ZFHX3: variants seen among roughly 807,000 people sequenced by gnomAD.
The protein encoded by ZFHX3 is zinc finger homeobox protein 3.
Under a neutral mutation model 279.1 loss-of-function variants are expected in ZFHX3, and 42 were observed. The observed-to-expected ratio is 0.15, with a 90% confidence interval of 0.12 to 0.19. The LOEUF is 0.19. Among genes scored for constraint, ZFHX3 ranks in the 10% least tolerant of loss-of-function variants. The pLI is 1.00. For synonymous variants in ZFHX3, 2,293 were observed against 1,957.8 expected (o/e 1.17, Z -4.52); for missense variants, 4,981 against 4,754.0 (o/e 1.05, Z -1.40).
intron 3 of ZFHX3, among the ~76,000 whole-genome samples, chr16:73,423,457 C>G (rs1034258584): frequency 6.6e-6 from 1 of 152,120 alleles, no homozygotes; most frequent in African/African-American, 2.4e-5. Context: ...CTGGTGAGAC[C>G]GGGCAGACTG....
At chr16:73,279,555 T>C (rs919209831) in intron 4 of ZFHX3, among the ~76,000 whole-genome samples, 3 of 152,102 alleles carry the variant, frequency 2.0e-5, no homozygotes, top group African/African-American at 7.2e-5. Flanking sequence ...AAGTACTGAG[T>C]GATTCTTTTG....
In ZFHX3 at chr16:73,395,497, C is replaced by A. The variant is rs563890290; in HGVS notation, c.-1291+60506G>T. Among the ~76,000 whole-genome samples the A allele has an allele frequency of 6.6e-4, 100 of 151,782 alleles. No individual in the cohort carries two copies. The South Asian group carries it at 0.02, about 31-fold the overall frequency. ...CCCCCAAAAACCAATCATCTGGCCC[C>A]CATGCCAAGAGGGTCACCCTGCACC... On this transcript the variant is annotated intron_variant, in intron 3 of 17. Transcript: ENST00000641206.
At chr16:73,205,650 G>T (rs769305619) in intron 5 of ZFHX3, among the ~76,000 whole-genome samples, 2 of 152,204 alleles carry the variant, frequency 1.3e-5, no homozygotes, top group Non-Finnish European at 2.9e-5. Flanking sequence ...GTGTGTGTGT[G>T]TGCGTGAATG....
At chr16:73,527,346 T>C (rs575010928) in intron 2 of ZFHX3, among the ~76,000 whole-genome samples, 1 of 152,266 alleles carries the variant, frequency 6.6e-6, no homozygotes, top group South Asian at 2.1e-4. Context: ...AGGTTGTACT[T>C]TTGAGACAGG....
chr16:72,936,144 C>T (rs1960111256), intron 3 of ZFHX3, among the ~76,000 whole-genome samples: 1 of 152,200 alleles, frequency 6.6e-6, no homozygotes, highest in Admixed American at 6.5e-5. Flanking sequence ...ACCTGGGCTG[C>T]AGAAGCTCTG....
intron 1 of ZFHX3, among the ~76,000 whole-genome samples, chr16:73,764,825 T>A (rs2053911754): frequency 6.6e-6 from 1 of 152,194 alleles, no homozygotes; most frequent in African/African-American, 2.4e-5. Context: ...TGCTTCTCCC[T>A]AAATTCATCT....
At chr16:73,367,370 G>C (rs1057463669) in intron 3 of ZFHX3, among the ~76,000 whole-genome samples, 1 of 152,178 alleles carries the variant, frequency 6.6e-6, no homozygotes, top group Non-Finnish European at 1.5e-5. Flanking sequence ...AGGAAGAACA[G>C]TGTGCAATAA....
chr16:72,972,675 T>C (rs12325072), intron 1 of ZFHX3, among the ~76,000 whole-genome samples: 27,882 of 152,026 alleles, frequency 0.18, 3,017 homozygotes, highest in East Asian at 0.41. Context: ...TCCAAAGTCA[T>C]CGGTGTCCTC....
chr16:72,982,254 C>A (rs947818685), intron 1 of ZFHX3, among the ~76,000 whole-genome samples: 4 of 152,102 alleles, frequency 2.6e-5, no homozygotes, highest in African/African-American at 7.2e-5. Context: ...ATCATATTTT[C>A]GATTTTACAG....
In ZFHX3 at chr16:72,987,976, C is replaced by T. The variant is rs1962918002; in HGVS notation, c.-49-27782G>A. ...AACAAACACCTCCCTGGATTTGATA[C>T]CAAAAGAAAGTTTAATATTATATGT... is the stretch of plus-strand genomic sequence containing the variant. On this transcript the variant is annotated intron_variant, in intron 1 of 9. Transcript: ENST00000268489. Among the ~76,000 whole-genome samples, 6 of 152,238 alleles carry T rather than the reference C, an allele frequency of 3.9e-5. No homozygotes were observed. The South Asian group carries it at 1.2e-3, about 32-fold the overall frequency.
At chr16:73,643,516 A>G (rs556019455) in intron 2 of ZFHX3, among the ~76,000 whole-genome samples, 1 of 152,364 alleles carries the variant, frequency 6.6e-6, no homozygotes, top group African/African-American at 2.4e-5. Context: ...AAAATGCTAT[A>G]TACATTTGCA....
chr16:73,705,925 G>T (rs530132275), intron 1 of ZFHX3, among the ~76,000 whole-genome samples: 1 of 152,028 alleles, frequency 6.6e-6, no homozygotes, highest in African/African-American at 2.4e-5. Context: ...TCCGACTCTT[G>T]TTATACCTCA....
At chr16:73,472,329 T>C (rs1330327716) in intron 2 of ZFHX3, among the ~76,000 whole-genome samples, 1 of 151,818 alleles carries the variant, frequency 6.6e-6, no homozygotes, top group Non-Finnish European at 1.5e-5. Context: ...TTGGATTCTC[T>C]TGCCCATGGT....
At chr16:73,315,290 G>C (rs2015420661) in intron 4 of ZFHX3, among the ~76,000 whole-genome samples, 1 of 151,962 alleles carries the variant, frequency 6.6e-6, no homozygotes, top group Non-Finnish European at 1.5e-5. Context: ...TGCCTCCTCA[G>C]CTTCCCCTAT....
At chr16:73,165,243 C>T (rs983924458) in intron 5 of ZFHX3, among the ~76,000 whole-genome samples, 2 of 152,160 alleles carry the variant, frequency 1.3e-5, no homozygotes, top group Non-Finnish European at 2.9e-5. Flanking sequence ...ATGCAAAACA[C>T]GCCGGCAGCT....
chr16:73,816,949 G>A (rs1960591449), intron 1 of ZFHX3, among the ~76,000 whole-genome samples: 1 of 152,198 alleles, frequency 6.6e-6, no homozygotes. Flanking sequence ...TTTTAGCACA[G>A]TTTGAGCTTC....
chr16:73,225,690 A>G (rs28474704), intron 5 of ZFHX3, among the ~76,000 whole-genome samples: 6,055 of 152,276 alleles, frequency 0.04, 417 homozygotes, highest in African/African-American at 0.14. Context: ...TGAAGACACT[A>G]ACTTGGTCCT....
At chr16:72,792,025 T>C (rs2035723771) in intron 9 of ZFHX3, among the ~76,000 whole-genome samples, 1 of 152,172 alleles carries the variant, frequency 6.6e-6, no homozygotes, top group African/African-American at 2.4e-5. Flanking sequence ...GAACTGGAAC[T>C]AATCAATTCA....
At position 73,136,046 on chromosome 16, in the gene ZFHX3, C is replaced by T. The variant is rs372534390; in HGVS notation, c.-1023-4952G>A. On this transcript the variant is annotated intron_variant, in intron 6 of 17. Transcript: ENST00000641206. ...CTAATTTTTGTATTTTTAGTAGAGA[C>T]GGGGTTTAACCATGTTGGTCAGGAT... Among the ~76,000 whole-genome samples the T allele has an allele frequency of 1.2e-4, 18 of 152,098 alleles. No homozygotes were observed. The East Asian group carries it at 3.3e-3, about 28-fold the overall frequency.
Sources: gnomAD v4.1 joint callset for allele counts (sites outside exome capture counted in the v4.1 genomes callset) on GRCh38, gnomAD v4.1.1 for gene constraint, MANE v1.5 for transcripts, NCBI Gene and HGNC (gene_info 2026-07-23, HGNC 2026-07-21) for gene names.